Variants in DEDD2 observed in about 807,000 individuals in gnomAD.
DEDD2 encodes the protein death effector domain containing 2.
Under a neutral mutation model 28.9 loss-of-function variants are expected in DEDD2, and 18 were observed. That is an observed-to-expected ratio of 0.62 (90% CI 0.43 to 0.92). DEDD2 has a LOEUF of 0.92. DEDD2 is among the 40% of genes least tolerant of loss of function. The pLI is 0.00. For missense variants in DEDD2, 411 were observed against 463.3 expected (o/e 0.89, Z 1.04); for synonymous variants, 211 against 206.1 (o/e 1.02, Z -0.20).
chr19:42,215,073 T>A, intron 3 of DEDD2, 60 bp downstream of exon 3: 1 of 1,602,182 alleles, frequency 6.2e-7, no homozygotes, highest in South Asian at 1.1e-5. Flanking sequence ...CCTTCCTTGA[T>A]GGGCACAATT....
chr19:42,209,296 C>T (rs1242277909), intron 4 of DEDD2, among the ~76,000 whole-genome samples: 1 of 152,064 alleles, frequency 6.6e-6, no homozygotes, highest in African/African-American at 2.4e-5. Flanking sequence ...CAATTACTGG[C>T]CTGAGGTCAG....
chr19:42,209,990 T>C (rs1599772397), intron 3 of DEDD2, 150 bp from the exon 4 acceptor site: 4 of 1,126,234 alleles, frequency 3.6e-6, no homozygotes. Flanking sequence ...GTCTAAAAGA[T>C]GAAGAGTACC....
At chr19:42,212,273 G>A (rs1313066998) in intron 3 of DEDD2, among the ~76,000 whole-genome samples, 2 of 151,916 alleles carry the variant, frequency 1.3e-5, no homozygotes, top group African/African-American at 2.4e-5. Context: ...GGCTGAGGCA[G>A]GAGGATCACT....
chr19:42,216,818 T>G lies in DEDD2; in HGVS notation c.190A>C (p.Ser64Arg). The change falls in exon 2 of 5, where the codon AGC becomes CGC. Residue 64 changes from serine to arginine, a missense_variant. Physicochemically the swap from Ser to Arg is moderately radical, Grantham distance 110. Transcript: ENST00000596251. ...AGCTCCAGCAGGAGCTCTAGGCCGC[T>G]GCGGGCCCGGGCTAAGCCTCCGGCG... Reference protein sequence around the residue: ...GAAGGLARARSGLELLLELER... With the variant: ...GAAGGLARARRGLELLLELER... 16 of 1,583,034 alleles carry G rather than the reference T, an allele frequency of 1.0e-5. No individual in the cohort carries two copies. The highest frequency in any genetic ancestry group is 1.3e-5 in the Non-Finnish European group (15 of 1,164,938).
chr19:42,220,122 G>C (rs1423596953), upstream of DEDD2: 1 of 152,282 alleles, frequency 6.6e-6, no homozygotes, highest in Non-Finnish European at 1.5e-5. Context: ...CTTAGCCCGG[G>C]AGCGACCCAG....
Position 42,209,748 on chromosome 19 carries a change from G to A in DEDD2, c.541C>T (p.Gln181Ter). 6.2e-7 allele frequency: 1 copy of A among 1,606,648 alleles called. No individual in the cohort carries two copies. Among genetic ancestry groups the A allele is most frequent in the Admixed American group, 1.7e-5 (1 of 59,196 alleles). Residue 181 changes from glutamine (Q) to a stop codon, truncating the protein, a stop_gained, in exon 4 of 5, where the codon CAG (glutamine) becomes TAG (stop). Coordinates refer to ENST00000596251, the MANE Select transcript of DEDD2 (RefSeq NM_133328.4). LOFTEE classifies it high-confidence loss of function. The stretch of plus-strand genomic sequence containing the variant: ...GAAGGTCTGGCGGGCTCTGACTGCT[G>A]CTGGGGTGCGGCTGGGGCCCCTCTC... ...RRRGAPAAPQ[Q>*]QSEPARPSSE...
intron 3 of DEDD2, among the ~76,000 whole-genome samples, chr19:42,210,045 T>C (rs2035693813): frequency 6.6e-6 from 1 of 152,070 alleles, no homozygotes; most frequent in Non-Finnish European, 1.5e-5. Context: ...CCCAGCACGC[T>C]GCAGCAGGCT....
At chr19:42,209,246 A>AAAAAG (rs534313440) in intron 4 of DEDD2, among the ~76,000 whole-genome samples, 1 of 152,154 alleles carries the variant, frequency 6.6e-6, no homozygotes, top group Non-Finnish European at 1.5e-5. Flanking sequence ...GTCTCAAAAA[A>AAAAAG]AAAAGAAAAG....
At chr19:42,215,077 C>T in intron 3 of DEDD2, 56 bp downstream of exon 3, 2 of 1,605,404 alleles carry the variant, frequency 1.2e-6, no homozygotes, top group Non-Finnish European at 1.7e-6. Context: ...CCTTGATGGG[C>T]ACAATTCATA....
chr19:42,216,700 G>C lies in DEDD2; in HGVS notation c.308C>G (p.Ala103Gly). 2 of 1,582,744 alleles carry C rather than the reference G, an allele frequency of 1.3e-6. No homozygotes were observed. The highest frequency in any genetic ancestry group is 8.6e-7 in the Non-Finnish European group (1 of 1,169,136). The change falls in exon 2 of 5, where the codon GCG becomes GGG. Residue 103 changes from alanine to glycine, a missense_variant. Ala to Gly is a moderately conservative substitution (Grantham distance 60, BLOSUM62 0). Transcript: ENST00000596251. The part of the protein sequence containing the change: ...LARHDLLPHL[A>G]RKRRRPVSPE... ...CGTACCTGGCCGGCGCCGCTTGCGC[G>C]CCAGGTGCGGCAGCAGGTCGTGGCG...
At chr19:42,207,208 G>T (rs904242128) in intron 4 of DEDD2, among the ~76,000 whole-genome samples, 12 of 152,152 alleles carry the variant, frequency 7.9e-5, no homozygotes, top group African/African-American at 2.9e-4. Context: ...TGGCTCTCTA[G>T]GTCTGTTCCT....
In DEDD2 at chr19:42,209,781, G is replaced by A. The variant is rs751075937; in HGVS notation, c.508C>T (p.Arg170Trp). The A allele has an allele frequency of 7.5e-6, 12 of 1,594,770 alleles. No homozygotes were observed. The highest frequency in any genetic ancestry group is 5.4e-5 in the African/African-American group (4 of 73,820). Residue 170 changes from arginine to tryptophan, a missense_variant, in exon 4 of 5, where the codon CGG becomes TGG. Around this residue, in one of 2 missense-constraint regions of DEDD2, gnomAD observed 282 missense variants for 273.4 expected, o/e 1.03. Coordinates refer to ENST00000596251, the MANE Select transcript of DEDD2 (RefSeq NM_133328.4). Reference sequence around the variant, plus strand: ...GCGGCTGGGGCCCCTCTCCGCCGCCGTCTGGCACCACCACTGGGCCGGCCC... The same window carrying A: ...GCGGCTGGGGCCCCTCTCCGCCGCCATCTGGCACCACCACTGGGCCGGCCC... Reference protein sequence around the residue: ...SRGRPSGGARRRRRGAPAAPQ... With the variant: ...SRGRPSGGARWRRRGAPAAPQ...
At position 42,199,445 on chromosome 19, in the gene DEDD2, G is replaced by A. The variant is rs1408190310; in HGVS notation, c.974C>T (p.Ala325Val). Residue 325 changes from alanine (A) to valine (V), a missense_variant, in exon 5 of 5, where the codon GCC becomes GTC. Physicochemically the swap from Ala to Val is moderately conservative, Grantham distance 64. Coordinates refer to ENST00000596251, the MANE Select transcript of DEDD2 (RefSeq NM_133328.4). This position sits in a 1 kb window ranked among gnomAD's most constrained non-coding sequence, Gnocchi z 7.4. The part of the protein sequence containing the change: ...EEEGGRRPTE[A>V]S Reference sequence around the variant, plus strand: ...AATCCTGCCAGTCCTGGATCAGGAGGCCTCTGTCGGGCGCCGCCCCCCTTC... The same window carrying A: ...AATCCTGCCAGTCCTGGATCAGGAGACCTCTGTCGGGCGCCGCCCCCCTTC... The A allele has an allele frequency of 1.2e-6, 2 of 1,601,996 alleles. No homozygotes were observed. Among genetic ancestry groups the A allele is most frequent in the East Asian group, 2.2e-5 (1 of 44,698 alleles).
intron 4 of DEDD2, 21 bp downstream of exon 4, chr19:42,209,679 C>T: frequency 6.2e-7 from 1 of 1,600,966 alleles, no homozygotes; most frequent in Non-Finnish European, 8.5e-7. Flanking sequence ...ACATGCATTG[C>T]CAAAGCCTAC....
At chr19:42,215,386 C>T (rs2035926744) in intron 2 of DEDD2, 134 bp from the exon 3 acceptor site, 1 of 1,129,964 alleles carries the variant, frequency 8.8e-7, no homozygotes, top group Non-Finnish European at 1.3e-6. Context: ...TTCTCAAACA[C>T]CTCCTGCAGA....
upstream of DEDD2, among the ~76,000 whole-genome samples, chr19:42,219,390 C>T (rs375316034): frequency 2.0e-4 from 30 of 152,208 alleles, no homozygotes; most frequent in East Asian, 4.8e-3. Context: ...CACCTGAGAT[C>T]AGGAGTTCGA....
chr19:42,200,953 G>T (rs915672893), intron 4 of DEDD2, among the ~76,000 whole-genome samples: 1 of 151,174 alleles, frequency 6.6e-6, no homozygotes, highest in East Asian at 2.0e-4. Flanking sequence ...GCTAGTGACA[G>T]TACCCCCTCT....
chr19:42,218,029 G>C (rs978812305), upstream of DEDD2, among the ~76,000 whole-genome samples: 6 of 151,798 alleles, frequency 4.0e-5, no homozygotes, highest in African/African-American at 1.5e-4. Flanking sequence ...TCCTGATCAC[G>C]AGCTAGACGC....
rs768156175 is a variant in DEDD2, at chr19:42,215,242, T to C, written c.339A>G (p.Glu113=). Residue 113 remains glutamate (E), a synonymous_variant, in exon 3 of 5, where the codon GAA becomes GAG. Transcript: ENST00000596251. ...ARKRRRPVSP[E]RYSYGTSSSS... ...AGCTGGAGGTGCCATAGCTATAGCG[T>C]TCTGGAGACACTGGAGGAAGAGAAG... 2.5e-6 allele frequency: 4 copies of C among 1,613,970 alleles called. No individual in the cohort carries two copies. The East Asian group carries it at 8.9e-5, about 36-fold the overall frequency.
Sources: gnomAD v4.1 joint callset for allele counts (sites outside exome capture counted in the v4.1 genomes callset) on GRCh38, gnomAD v4.1.1 for gene constraint, gnomAD v4.1.1 regional missense constraint, Gnocchi (gnomAD v3.1) non-coding constraint, MANE v1.5 for transcripts, NCBI Gene and HGNC (gene_info 2026-07-23, HGNC 2026-07-21) for gene names.